Variants in PLA2G4E observed in about 807,000 individuals in gnomAD.
The protein encoded by PLA2G4E is cytosolic phospholipase A2 epsilon.
PLA2G4E carries 84 observed loss-of-function variants against 109.1 expected under a neutral mutation model. The ratio of observed to expected loss-of-function variants is 0.77; its 90% CI spans 0.65 to 0.92. PLA2G4E has a LOEUF of 0.92. Ranked by LOEUF, PLA2G4E falls within the 40% of genes least tolerant of loss-of-function variation. The pLI is 0.00. For synonymous variants in PLA2G4E, 469 were observed against 436.1 expected (o/e 1.08, Z -0.94); for missense variants, 1,057 against 1,076.6 (o/e 0.98, Z 0.25).
At chr15:42,021,849 G>A (rs2068651642) in intron 1 of PLA2G4E, among the ~76,000 whole-genome samples, 1 of 152,212 alleles carries the variant, frequency 6.6e-6, no homozygotes, top group African/African-American at 2.4e-5. Context: ...CTGGACCATA[G>A]ATAGAAGTGC....
intron 1 of PLA2G4E, among the ~76,000 whole-genome samples, chr15:42,042,428 A>G (rs542232952): frequency 5.9e-5 from 9 of 152,206 alleles, no homozygotes; most frequent in Non-Finnish European, 1.2e-4. Context: ...CTGAATACAT[A>G]TATTATTTAT....
intron 1 of PLA2G4E, among the ~76,000 whole-genome samples, chr15:42,031,004 G>T (rs1374770615): frequency 6.6e-6 from 1 of 152,000 alleles, no homozygotes; most frequent in Non-Finnish European, 1.5e-5. Context: ...GTGTTGTTCT[G>T]TTACCCAGGC....
Position 42,042,380 on chromosome 15 carries a change from T to C in PLA2G4E, c.183+8141A>G, listed in dbSNP as rs200730355. Among the ~76,000 whole-genome samples the C allele has an allele frequency of 1.6e-4, 24 of 145,526 alleles. No individual in the cohort carries two copies. In the East Asian group the frequency reaches 4.7e-3, roughly 28 times the overall value. ...GGATGATGTTATTGGCAATGTTTATTTTCTCTATTACATTTTTCAAATTTT... is the reference window on the plus strand; with the variant it reads ...GGATGATGTTATTGGCAATGTTTATCTTCTCTATTACATTTTTCAAATTTT... On this transcript the variant is annotated intron_variant, in intron 1 of 19. Coordinates refer to ENST00000399518, the Ensembl canonical transcript of PLA2G4E.
intron 10 of PLA2G4E, 96 bp downstream of exon 10, chr15:41,999,428 C>G (rs535778572): frequency 1.1e-6 from 1 of 876,280 alleles, no homozygotes; most frequent in South Asian, 1.5e-5. Flanking sequence ...CATCATTAGC[C>G]ATAGGGGAAA....
chr15:41,997,250 T>C (rs1308171117), exon 11 of PLA2G4E: 1 of 1,547,434 alleles, frequency 6.5e-7, no homozygotes, highest in Non-Finnish European at 8.7e-7. Context: ...GCACGTCCAG[T>C]GTCTCAGGGC....
intron 1 of PLA2G4E, among the ~76,000 whole-genome samples, chr15:42,019,236 G>T (rs964793129): frequency 6.6e-6 from 1 of 152,212 alleles, no homozygotes; most frequent in African/African-American, 2.4e-5. Context: ...GCAGAGACAG[G>T]AGGAAAAGCC....
chr15:42,014,581 C>T (rs974593706), intron 1 of PLA2G4E, among the ~76,000 whole-genome samples: 2 of 152,186 alleles, frequency 1.3e-5, no homozygotes, highest in African/African-American at 4.8e-5. Flanking sequence ...TGATCACGCA[C>T]GGTGACATCT....
intron 13 of PLA2G4E, among the ~76,000 whole-genome samples, chr15:41,991,942 G>T (rs1186951866): frequency 6.6e-6 from 1 of 152,158 alleles, no homozygotes; most frequent in Non-Finnish European, 1.5e-5. Flanking sequence ...GTCCAGGATC[G>T]CAACACCCCT....
rs2068476401 is a variant in PLA2G4E, at chr15:42,006,316, CA to C, written c.394-196del. On this transcript the variant is annotated intron_variant, in intron 3 of 19. Coordinates refer to ENST00000399518, the Ensembl canonical transcript of PLA2G4E. ...AGGCAAGTGTCTATTCCCTCCTTTC[CA>C]ACTCCCTGAAGCCTTCTTGGCCTTC... The C allele has an allele frequency of 3.7e-5, 21 of 566,116 alleles. 1 individual carries two copies. In the South Asian group the frequency reaches 5.7e-4, roughly 15 times the overall value. 35.1% of individuals were successfully genotyped at this position (566,116 alleles called of 1,614,324 possible). A position where few individuals can be genotyped will look rare whatever the true frequency, so the allele number is the denominator to read the frequency against.
At chr15:42,025,121 G>A (rs562944205) in intron 1 of PLA2G4E, among the ~76,000 whole-genome samples, 15 of 151,766 alleles carry the variant, frequency 9.9e-5, no homozygotes, top group Middle Eastern at 3.4e-3. Context: ...GCATGAATCC[G>A]GGAGGCGGAG....
intron 7 of PLA2G4E, 58 bp from the exon 8 acceptor site, chr15:42,000,340 TTGGTCCAGC>T: frequency 6.8e-7 from 1 of 1,467,848 alleles, no homozygotes; most frequent in South Asian, 1.3e-5. Flanking sequence ...CACCTGCAAC[TTGGTCCAGC>T]AAAAAACCTA....
At position 42,002,640 on chromosome 15, in the gene PLA2G4E, A is replaced by C; in HGVS notation, c.609+14T>G. The C allele has an allele frequency of 6.3e-7, 1 of 1,579,780 alleles. No individual in the cohort carries two copies. Among genetic ancestry groups the C allele is most frequent in the Non-Finnish European group, 8.6e-7 (1 of 1,162,518 alleles). ...GTGGCCTCTGGAGCTACAGGAACCC[A>C]GGAAGATAATTACCACCAGCACGCC... On this transcript the variant is annotated intron_variant, in intron 6 of 19. Transcript: ENST00000399518.
chr15:42,043,983 T>C (rs1889363770), intron 1 of PLA2G4E, among the ~76,000 whole-genome samples: 1 of 152,172 alleles, frequency 6.6e-6, no homozygotes, highest in South Asian at 2.1e-4. Flanking sequence ...GTAAGTGTAC[T>C]TGGACCGCAA....
intron 2 of PLA2G4E, among the ~76,000 whole-genome samples, chr15:42,011,805 G>A (rs12904722): frequency 0.26 from 39,713 of 152,120 alleles, 5,678 homozygotes; most frequent in African/African-American, 0.37. Flanking sequence ...GTGGATATGT[G>A]GGAGCTGGGT....
intron 1 of PLA2G4E, among the ~76,000 whole-genome samples, chr15:42,043,469 C>T (rs931615723): frequency 1.4e-5 from 2 of 147,008 alleles, no homozygotes; most frequent in East Asian, 2.0e-4. Context: ...AAGTCTGATG[C>T]GAACATGGAG....
intron 1 of PLA2G4E, among the ~76,000 whole-genome samples, chr15:42,040,467 A>G (rs573628492): frequency 6.6e-6 from 1 of 152,354 alleles, no homozygotes; most frequent in East Asian, 1.9e-4. Flanking sequence ...TTTTATCATT[A>G]TTAGTGAGAA....
chr15:42,024,564 A>G (rs1423441646), intron 1 of PLA2G4E, among the ~76,000 whole-genome samples: 1 of 152,134 alleles, frequency 6.6e-6, no homozygotes, highest in Non-Finnish European at 1.5e-5. Flanking sequence ...CATTCCTCCC[A>G]GAAGCCCAGT....
At chr15:42,046,423 A>G (rs1712438) in intron 1 of PLA2G4E, among the ~76,000 whole-genome samples, 14,501 of 152,088 alleles carry the variant, frequency 0.095, 738 homozygotes, top group South Asian at 0.19. Context: ...CCCTGTTTCT[A>G]CAAAAGGTCA....
At chr15:41,987,416 G>GA in intron 16 of PLA2G4E, 41 bp from the exon 17 acceptor site, 1 of 1,582,372 alleles carries the variant, frequency 6.3e-7, no homozygotes, top group Non-Finnish European at 8.6e-7. Flanking sequence ...CATGAGAGGT[G>GA]GAGTCCCCAG....
Sources: allele counts gnomAD v4.1 joint callset (sites outside exome capture counted in the v4.1 genomes callset), GRCh38; gene constraint gnomAD v4.1.1; transcripts MANE v1.5; gene names NCBI Gene and HGNC (gene_info 2026-07-23, HGNC 2026-07-21).